The following CADPS variants were observed in gnomAD, a reference collection of about 807,000 sequenced individuals.
The protein encoded by CADPS is calcium-dependent secretion activator 1.
Under a neutral mutation model 167.3 loss-of-function variants are expected in CADPS, and 57 were observed. The ratio of observed to expected loss-of-function variants is 0.34; its 90% CI spans 0.28 to 0.42. CADPS has a LOEUF of 0.42. CADPS is among the 20% of genes least tolerant of loss of function. The pLI is 1.00. For synonymous variants in CADPS, 676 were observed against 635.3 expected, an observed-to-expected ratio of 1.06 and a Z score of -0.96; for missense variants, 1,414 against 1,738.1, an observed-to-expected ratio of 0.81 and a Z score of 3.32.
At chr3:62,593,912 G>C (rs1389904037) in intron 6 of CADPS, among the ~76,000 whole-genome samples, 1 of 152,170 alleles carries the variant, frequency 6.6e-6, no homozygotes, top group Non-Finnish European at 1.5e-5. Flanking sequence ...TGAGCACAGG[G>C]ACTGTGTTTT....
At position 62,650,964 on chromosome 3, in the gene CADPS, G is replaced by A. The variant is rs772882768; in HGVS notation, c.1086C>T (p.Gly362=). Residue 362 remains glycine, a synonymous_variant, in exon 5 of 30, where the codon GGC becomes GGT. Transcript: ENST00000383710. ...ANLESMPVSK[G]GEFKLQKLKR... ...TGAGTTTCTGGAGCTTGAACTCCCC[G>A]CCTTTGGATACCGGCATGCTCTCCA... 1.1e-5 allele frequency: 18 copies of A among 1,613,948 alleles called. No homozygotes were observed. The highest frequency in any genetic ancestry group is 1.0e-4 in the Admixed American group (6 of 59,998).
chr3:62,563,412 AT>A (rs2079533293), intron 9 of CADPS, among the ~76,000 whole-genome samples: 1 of 152,106 alleles, frequency 6.6e-6, no homozygotes. Flanking sequence ...TGATTTAGTG[AT>A]TTTTCTGAAA....
At chr3:62,791,809 T>G (rs1340470362) in intron 1 of CADPS, among the ~76,000 whole-genome samples, 1 of 152,224 alleles carries the variant, frequency 6.6e-6, no homozygotes, top group African/African-American at 2.4e-5. Context: ...TTAAGCAAGA[T>G]AGTTTACCTC....
intron 3 of CADPS, among the ~76,000 whole-genome samples, chr3:62,743,630 T>G (rs900115663): frequency 1.3e-5 from 2 of 152,274 alleles, no homozygotes; most frequent in African/African-American, 4.8e-5. Flanking sequence ...AAACAAGCAT[T>G]CCCTATCCTT....
chr3:62,620,961 T>C (rs184905699), intron 6 of CADPS, among the ~76,000 whole-genome samples: 1 of 152,182 alleles, frequency 6.6e-6, no homozygotes, highest in Non-Finnish European at 1.5e-5. Flanking sequence ...AAGCCCAGGT[T>C]CTAGCCCCTC....
intron 4 of CADPS, among the ~76,000 whole-genome samples, chr3:62,654,492 G>A (rs1317947520): frequency 1.3e-5 from 2 of 152,110 alleles, no homozygotes; most frequent in Non-Finnish European, 1.5e-5. Flanking sequence ...TCCTTCCCAT[G>A]GAAAATACTG....
intron 1 of CADPS, among the ~76,000 whole-genome samples, chr3:62,865,232 G>A (rs2081468559): frequency 6.6e-6 from 1 of 151,952 alleles, no homozygotes; most frequent in South Asian, 2.1e-4. Context: ...TTATTTGCAG[G>A]AATTTTCAGT....
intron 9 of CADPS, among the ~76,000 whole-genome samples, chr3:62,561,831 A>C (rs1157231353): frequency 1.3e-5 from 2 of 152,178 alleles, no homozygotes; most frequent in Admixed American, 6.5e-5. Context: ...CATTCTTTGA[A>C]AATTAATCAG....
intron 6 of CADPS, among the ~76,000 whole-genome samples, chr3:62,615,520 T>C (rs1261386169): frequency 6.6e-6 from 1 of 152,178 alleles, no homozygotes; most frequent in East Asian, 1.9e-4. Context: ...TGAATGAATG[T>C]TGATTATTAT....
intron 6 of CADPS, among the ~76,000 whole-genome samples, chr3:62,635,451 G>C (rs1301797286): frequency 6.6e-6 from 1 of 152,108 alleles, no homozygotes; most frequent in Admixed American, 6.6e-5. Flanking sequence ...ACAACACCCT[G>C]TCATTATTAG....
intron 1 of CADPS, among the ~76,000 whole-genome samples, chr3:62,769,648 A>G (rs2087995150): frequency 6.6e-6 from 1 of 152,142 alleles, no homozygotes; most frequent in African/African-American, 2.4e-5. Flanking sequence ...CAGACTCCCC[A>G]GGTGGAGGTC....
intron 28 of CADPS, among the ~76,000 whole-genome samples, chr3:62,422,141 G>C (rs1318761297): frequency 6.6e-6 from 1 of 152,232 alleles, no homozygotes; most frequent in East Asian, 1.9e-4. Context: ...TAAGCCAAGT[G>C]GGGAGCCTTT....
intron 3 of CADPS, among the ~76,000 whole-genome samples, chr3:62,715,159 G>A (rs1421329794): frequency 1.3e-5 from 2 of 152,050 alleles, no homozygotes; most frequent in East Asian, 3.9e-4. Context: ...AAGAATGGGG[G>A]GTGCAAAGAT....
intron 3 of CADPS, among the ~76,000 whole-genome samples, chr3:62,683,641 T>A (rs909021297): frequency 1.3e-5 from 2 of 152,040 alleles, no homozygotes; most frequent in Non-Finnish European, 2.9e-5. Context: ...TATTTGGACC[T>A]CATTAGATTT....
intron 1 of CADPS, among the ~76,000 whole-genome samples, chr3:62,778,645 C>T (rs1276837472): frequency 3.3e-5 from 5 of 152,102 alleles, no homozygotes; most frequent in Non-Finnish European, 7.4e-5. Flanking sequence ...ATATTGATGC[C>T]TATACACCCA....
At position 62,444,200 on chromosome 3, in the gene CADPS, C is replaced by T. The variant is rs541976120; in HGVS notation, c.3669+1565G>A. On this transcript the variant is annotated intron_variant, in intron 27 of 29. Coordinates refer to ENST00000383710, the MANE Select transcript of CADPS (RefSeq NM_003716.4). ...GACCACAGCTACCAAATCTTTGGGTCGAAAGCCGAGAATTTCAATTTCTAT... is the reference window on the plus strand; with the variant it reads ...GACCACAGCTACCAAATCTTTGGGTTGAAAGCCGAGAATTTCAATTTCTAT... 1.2e-3 allele frequency among the ~76,000 whole-genome samples: 183 copies of T among 152,216 alleles called. 1 individual carries two copies. The Middle Eastern group carries it at 0.031, about 25-fold the overall frequency.
At chr3:62,824,760 T>A (rs965551324) in intron 1 of CADPS, among the ~76,000 whole-genome samples, 5 of 152,192 alleles carry the variant, frequency 3.3e-5, no homozygotes, top group African/African-American at 1.2e-4. Context: ...TTGGTGTATT[T>A]AAAAAGAATA....
intron 18 of CADPS, chr3:62,498,232 G>A (rs1471026323): frequency 1.8e-5 from 8 of 455,748 alleles, no homozygotes; most frequent in East Asian, 7.0e-5. Flanking sequence ...GGCATTAGTC[G>A]GGACGGCTGG....
At chr3:62,824,015 G>A (rs996547951) in intron 1 of CADPS, among the ~76,000 whole-genome samples, 4 of 151,734 alleles carry the variant, frequency 2.6e-5, no homozygotes, top group Admixed American at 2.0e-4. Flanking sequence ...ATGTGCAAGG[G>A]GAAAAACAGC....
Sources: gnomAD v4.1 joint callset for allele counts (sites outside exome capture counted in the v4.1 genomes callset) on GRCh38, gnomAD v4.1.1 for gene constraint, MANE v1.5 for transcripts, NCBI Gene and HGNC (gene_info 2026-07-23, HGNC 2026-07-21) for gene names.